PGCKA1: variants seen among roughly 807,000 people sequenced by gnomAD.
PGCKA1 encodes the protein PDCD10 and GCKIII kinases associated 1, also known as PDCD10 and GCKIII kinases-associated protein 1.
chr4:37,575,686 C>T, the PGCKA1 span, among the ~76,000 whole-genome samples: 14 of 152,006 alleles, frequency 9.2e-5, no homozygotes, highest in Non-Finnish European at 1.6e-4. Flanking sequence ...AGTCCAATGT[C>T]CTGGAGACTT....
At chr4:37,454,151 A>C in the PGCKA1 span, 9 of 152,560 alleles carry the variant, frequency 5.9e-5, no homozygotes, top group African/African-American at 2.2e-4. Context: ...TTTTAAGTTT[A>C]ATTTCTTGAT....
At chr4:37,467,508 G>C in the PGCKA1 span, among the ~76,000 whole-genome samples, 1 of 152,128 alleles carries the variant, frequency 6.6e-6, no homozygotes, top group Admixed American at 6.5e-5. Context: ...ATATCTTCTA[G>C]ATTGTTAGAG....
the PGCKA1 span, among the ~76,000 whole-genome samples, chr4:37,533,654 A>G: frequency 7.7e-4 from 117 of 152,368 alleles, no homozygotes; most frequent in African/African-American, 2.7e-3. Flanking sequence ...GAAAAAAACA[A>G]CAACTAAAGA....
the PGCKA1 span, chr4:37,590,833 C>T: frequency 1.2e-6 from 2 of 1,614,054 alleles, no homozygotes; most frequent in Middle Eastern, 3.3e-4. Context: ...TGAGAAGGGT[C>T]CTGTTCATGC....
chr4:37,470,316 T>TTCCA, the PGCKA1 span, among the ~76,000 whole-genome samples: 2 of 152,166 alleles, frequency 1.3e-5, no homozygotes, highest in African/African-American at 4.8e-5. Context: ...GATTAAGAAA[T>TTCCA]GTGTGTTTCT....
the PGCKA1 span, among the ~76,000 whole-genome samples, chr4:37,462,391 A>G: frequency 6.6e-6 from 1 of 152,200 alleles, no homozygotes; most frequent in Non-Finnish European, 1.5e-5. Flanking sequence ...AGCACTTTGC[A>G]GGTTTTCTAT....
At chr4:37,556,213 C>A in the PGCKA1 span, among the ~76,000 whole-genome samples, 1 of 152,196 alleles carries the variant, frequency 6.6e-6, no homozygotes, top group East Asian at 1.9e-4. Flanking sequence ...CCCGACACAC[C>A]TGGTCACTAT....
the PGCKA1 span, among the ~76,000 whole-genome samples, chr4:37,560,140 C>A: frequency 1.5e-3 from 226 of 152,326 alleles, no homozygotes; most frequent in Non-Finnish European, 2.7e-3. Context: ...GGACCATGTC[C>A]TTCATTGTAG....
chr4:37,562,936 C>A, the PGCKA1 span, among the ~76,000 whole-genome samples: 1 of 152,134 alleles, frequency 6.6e-6, no homozygotes, highest in African/African-American at 2.4e-5. Flanking sequence ...GAGTGTCTTA[C>A]CCCTAGTAGG....
At chr4:37,571,130 T>G in the PGCKA1 span, among the ~76,000 whole-genome samples, 3 of 152,114 alleles carry the variant, frequency 2.0e-5, no homozygotes, top group Non-Finnish European at 4.4e-5. Flanking sequence ...GGGGAGCTCA[T>G]GTGTAGTAGG....
chr4:37,499,417 G>A, the PGCKA1 span, among the ~76,000 whole-genome samples: 2 of 152,104 alleles, frequency 1.3e-5, no homozygotes, highest in African/African-American at 2.4e-5. Flanking sequence ...CATAAAATTC[G>A]TCTGTGAATC....
chr4:37,511,486 GA>G, the PGCKA1 span, among the ~76,000 whole-genome samples: 3 of 152,102 alleles, frequency 2.0e-5, no homozygotes, highest in Admixed American at 2.0e-4. Flanking sequence ...AGTATGTCTA[GA>G]AATTTCATCC....
At chr4:37,496,367 C>A in the PGCKA1 span, among the ~76,000 whole-genome samples, 1 of 152,158 alleles carries the variant, frequency 6.6e-6, no homozygotes, top group Non-Finnish European at 1.5e-5. Flanking sequence ...GGAATCCTTT[C>A]CCCATTGCAT....
At chr4:37,468,367 T>A in the PGCKA1 span, among the ~76,000 whole-genome samples, 23 of 152,264 alleles carry the variant, frequency 1.5e-4, 1 homozygote, top group South Asian at 4.6e-3. Flanking sequence ...GATATAAACC[T>A]CCTCCTTTGA....
the PGCKA1 span, among the ~76,000 whole-genome samples, chr4:37,473,165 T>C: frequency 6.6e-6 from 1 of 152,126 alleles, no homozygotes; most frequent in African/African-American, 2.4e-5. Flanking sequence ...TAACCCCAAA[T>C]TTTGGGGGAA....
the PGCKA1 span, among the ~76,000 whole-genome samples, chr4:37,548,909 C>A: frequency 6.6e-6 from 1 of 152,210 alleles, no homozygotes; most frequent in South Asian, 2.1e-4. Flanking sequence ...GATGCTTGTG[C>A]ACATGGCAGA....
the PGCKA1 span, among the ~76,000 whole-genome samples, chr4:37,561,486 T>C: frequency 6.6e-6 from 1 of 152,162 alleles, no homozygotes; most frequent in Non-Finnish European, 1.5e-5. Flanking sequence ...AAATAGTCTA[T>C]GACAAGGTCC....
At chr4:37,502,685 C>T in the PGCKA1 span, among the ~76,000 whole-genome samples, 3 of 152,284 alleles carry the variant, frequency 2.0e-5, no homozygotes, top group South Asian at 6.2e-4. Flanking sequence ...TATTCACGTA[C>T]CGACACAGCA....
At chr4:37,570,580 A>G in the PGCKA1 span, among the ~76,000 whole-genome samples, 2 of 152,082 alleles carry the variant, frequency 1.3e-5, no homozygotes, top group Non-Finnish European at 2.9e-5. Flanking sequence ...ATTTTTATTC[A>G]TTCTTCTTGG....
Sources: allele counts gnomAD v4.1 joint callset (sites outside exome capture counted in the v4.1 genomes callset), GRCh38; gene constraint gnomAD v4.1.1; transcripts MANE v1.5; gene names NCBI Gene and HGNC (gene_info 2026-07-23, HGNC 2026-07-21).